PDE4D: variants seen among roughly 807,000 people sequenced by gnomAD.
PDE4D encodes 3',5'-cyclic-AMP phosphodiesterase 4D.
Under a neutral mutation model 87.4 loss-of-function variants are expected in PDE4D, and 24 were observed. That is an observed-to-expected ratio of 0.27 (90% CI 0.20 to 0.39). PDE4D has a LOEUF of 0.39. Among genes scored for constraint, PDE4D ranks in the 10% least tolerant of loss-of-function variants. The pLI is 1.00. For missense variants in PDE4D, 714 were observed against 1,041.0 expected (o/e 0.69, Z 4.32); for synonymous variants, 384 against 383.2 (o/e 1.00, Z -0.02).
chr5:60,203,906 G>A lies in PDE4D; in HGVS notation c.-89-18219C>T, dbSNP rs566635452. Among the ~76,000 whole-genome samples, 8 of 152,194 alleles carry A rather than the reference G, an allele frequency of 5.3e-5. No individual in the cohort carries two copies. The South Asian group carries it at 1.5e-3, about 28-fold the overall frequency. On this transcript the variant is annotated intron_variant, in intron 1 of 16. Transcript: ENST00000502484. ...AGTTCTGAGTACTAACAAAGTTAAT[G>A]AACACAAAAAATCTTGAAAGCAAAA...
chr5:60,476,221 T>C (rs990413393), intron 1 of PDE4D, among the ~76,000 whole-genome samples: 11 of 152,246 alleles, frequency 7.2e-5, no homozygotes, highest in Non-Finnish European at 1.6e-4. Context: ...TAAAAGTTCA[T>C]GCATGTGACA....
chr5:59,885,849 C>G (rs918426017), intron 1 of PDE4D, among the ~76,000 whole-genome samples: 66 of 152,240 alleles, frequency 4.3e-4, no homozygotes, highest in African/African-American at 1.6e-3. Context: ...CCTATACTCA[C>G]AGTATCTCTT....
chr5:60,141,967 A>G (rs886596165), intron 2 of PDE4D, among the ~76,000 whole-genome samples: 1 of 152,122 alleles, frequency 6.6e-6, no homozygotes, highest in Non-Finnish European at 1.5e-5. Context: ...ACTCAAAACA[A>G]CAACTAGATT....
intron 1 of PDE4D, among the ~76,000 whole-genome samples, chr5:60,249,142 C>T (rs1748140131): frequency 6.6e-6 from 1 of 151,988 alleles, no homozygotes; most frequent in African/African-American, 2.4e-5. Context: ...TCTGAAGTTT[C>T]TAGATATTGC....
chr5:59,054,939 G>A (rs918865886), intron 5 of PDE4D, among the ~76,000 whole-genome samples: 14 of 152,242 alleles, frequency 9.2e-5, no homozygotes, highest in Admixed American at 2.0e-4. Flanking sequence ...TACTTCACGT[G>A]AGAGTAGAAC....
chr5:60,044,241 A>C (rs1321045526), intron 2 of PDE4D, among the ~76,000 whole-genome samples: 1 of 152,256 alleles, frequency 6.6e-6, no homozygotes, highest in Non-Finnish European at 1.5e-5. Context: ...TATTGTATGT[A>C]TCAAAATTTC....
At chr5:60,500,205 G>A (rs2150244953) in intron 1 of PDE4D, among the ~76,000 whole-genome samples, 1 of 152,204 alleles carries the variant, frequency 6.6e-6, no homozygotes, top group African/African-American at 2.4e-5. Flanking sequence ...TGGAGAGGCT[G>A]AGGAGAAAGG....
At chr5:60,019,091 C>G (rs1765793088) in intron 2 of PDE4D, among the ~76,000 whole-genome samples, 1 of 152,156 alleles carries the variant, frequency 6.6e-6, no homozygotes, top group East Asian at 1.9e-4. Flanking sequence ...GGAAGTAAAA[C>G]ACTCCTCAGC....
At chr5:58,990,374 A>T (rs960964523) in intron 9 of PDE4D, among the ~76,000 whole-genome samples, 3 of 152,178 alleles carry the variant, frequency 2.0e-5, no homozygotes, top group Non-Finnish European at 4.4e-5. Context: ...AGGGTCAATA[A>T]GAGAGAGAAA....
intron 3 of PDE4D, among the ~76,000 whole-genome samples, chr5:59,964,503 G>A (rs902312723): frequency 1.3e-5 from 2 of 152,076 alleles, no homozygotes; most frequent in African/African-American, 4.8e-5. Flanking sequence ...CTTCTCCTGA[G>A]TGTCCACATC....
chr5:59,067,975 G>A (rs1580626149), intron 5 of PDE4D, among the ~76,000 whole-genome samples: 2 of 152,134 alleles, frequency 1.3e-5, no homozygotes, highest in South Asian at 4.1e-4. Context: ...AGTTTTTCAT[G>A]ACTCAAAATT....
chr5:60,077,771 C>A (rs1582536319), intron 2 of PDE4D, among the ~76,000 whole-genome samples: 1 of 152,208 alleles, frequency 6.6e-6, no homozygotes, highest in Admixed American at 6.5e-5. Flanking sequence ...CTTCTCTAAG[C>A]AGCTCTCTCT....
intron 1 of PDE4D, among the ~76,000 whole-genome samples, chr5:59,301,870 G>T (rs1770321288): frequency 6.6e-6 from 1 of 152,078 alleles, no homozygotes; most frequent in Admixed American, 6.6e-5. Context: ...CTGGCACCAA[G>T]AAGGGGAAAA....
At chr5:59,668,932 A>T (rs78561639) in intron 1 of PDE4D, among the ~76,000 whole-genome samples, 4 of 144,436 alleles carry the variant, frequency 2.8e-5, no homozygotes, top group Non-Finnish European at 6.1e-5. Flanking sequence ...AAAGAAAGAA[A>T]GAATTAGTTC....
At chr5:59,389,700 G>C (rs1427720079) in intron 1 of PDE4D, among the ~76,000 whole-genome samples, 1 of 152,076 alleles carries the variant, frequency 6.6e-6, no homozygotes, top group Admixed American at 6.6e-5. Flanking sequence ...ATCAACCTAA[G>C]TGTCCTTGAT....
At chr5:59,137,324 G>GA (rs1561548617) in intron 5 of PDE4D, among the ~76,000 whole-genome samples, 1 of 152,156 alleles carries the variant, frequency 6.6e-6, no homozygotes. Context: ...TATTGTGAAA[G>GA]AACTGTGAGG....
At chr5:60,410,097 C>G (rs982063053) in intron 1 of PDE4D, among the ~76,000 whole-genome samples, 1 of 152,192 alleles carries the variant, frequency 6.6e-6, no homozygotes, top group South Asian at 2.1e-4. Flanking sequence ...GCTCTTTGTT[C>G]CCTATGGCAA....
rs139565504 is a variant in PDE4D, at chr5:59,984,346, A to AG, written c.272+4141_272+4142insC. Among the ~76,000 whole-genome samples, 525 of 152,312 alleles carry AG rather than the reference A, an allele frequency of 3.4e-3. 4 individuals are homozygous for AG. The highest frequency in any genetic ancestry group is 0.011 in the African/African-American group (470 of 41,568). On this transcript the variant is annotated intron_variant, in intron 3 of 16. Transcript: ENST00000502484. ...CAAGTCATTAATAGCTGTCTCTCTT[A>AG]CTTCGAGGAAGGTCAGTAAACAGCC...
At chr5:58,983,444 C>T (rs1050859654) in intron 11 of PDE4D, among the ~76,000 whole-genome samples, 3 of 152,172 alleles carry the variant, frequency 2.0e-5, no homozygotes, top group East Asian at 1.9e-4. Context: ...TATGGCTTGG[C>T]GCGTTAGATA....
Sources: allele counts gnomAD v4.1 joint callset (sites outside exome capture counted in the v4.1 genomes callset), GRCh38; gene constraint gnomAD v4.1.1; transcripts MANE v1.5; gene names NCBI Gene and HGNC (gene_info 2026-07-23, HGNC 2026-07-21).